ELMO1: variants seen among roughly 807,000 people sequenced by gnomAD.
The protein encoded by ELMO1 is engulfment and cell motility 1, also known as engulfment and cell motility protein 1.
In ELMO1, 26 loss-of-function variants were observed where a neutral mutation model predicts 98.9. That is an observed-to-expected ratio of 0.26 (90% CI 0.19 to 0.36). The LOEUF is 0.36. ELMO1 is among the 10% of genes least tolerant of loss of function. ELMO1 has a pLI of 1.00. For missense variants in ELMO1, 627 were observed against 935.2 expected (o/e 0.67, Z 4.30); for synonymous variants, 346 against 346.0 (o/e 1.00, Z 0.00).
At chr7:37,298,287 G>C (rs7459312) in intron 4 of ELMO1, among the ~76,000 whole-genome samples, 1 of 101,434 alleles carries the variant, frequency 9.9e-6, no homozygotes, top group Admixed American at 9.1e-5. Flanking sequence ...AGTTTTTTTT[G>C]TTTTTTTTTT....
intron 6 of ELMO1, among the ~76,000 whole-genome samples, chr7:37,247,750 G>A (rs924397227): frequency 1.3e-5 from 2 of 152,182 alleles, no homozygotes; most frequent in African/African-American, 4.8e-5. Context: ...TGGGTGCAAG[G>A]TGCCACCTGG....
chr7:37,029,843 A>G (rs1194282029), intron 15 of ELMO1, among the ~76,000 whole-genome samples: 1 of 152,178 alleles, frequency 6.6e-6, no homozygotes, highest in Non-Finnish European at 1.5e-5. Flanking sequence ...GTGAAGAATT[A>G]GAGTCTTAAA....
At chr7:37,320,235 C>T (rs187837959) in intron 2 of ELMO1, among the ~76,000 whole-genome samples, 6 of 151,740 alleles carry the variant, frequency 4.0e-5, no homozygotes, top group East Asian at 3.9e-4. Flanking sequence ...TGAGATCAAG[C>T]GCCACTGCAG....
At chr7:37,135,173 T>C (rs547550015) in intron 13 of ELMO1, among the ~76,000 whole-genome samples, 1 of 152,210 alleles carries the variant, frequency 6.6e-6, no homozygotes, top group Non-Finnish European at 1.5e-5. Flanking sequence ...ATTAGCAATC[T>C]ACTCTTCACC....
chr7:36,883,225 T>G (rs1247520636), intron 18 of ELMO1, among the ~76,000 whole-genome samples: 1 of 152,232 alleles, frequency 6.6e-6, no homozygotes. Context: ...AAACAGACAC[T>G]GTCCTCTGCA....
intron 13 of ELMO1, among the ~76,000 whole-genome samples, chr7:37,199,730 A>G (rs1792176426): frequency 6.6e-6 from 1 of 152,232 alleles, no homozygotes; most frequent in Admixed American, 6.5e-5. Flanking sequence ...AGCTTGTGTT[A>G]GGACTGTCCT....
chr7:37,199,714 A>G (rs1158183683), intron 13 of ELMO1, among the ~76,000 whole-genome samples: 1 of 152,214 alleles, frequency 6.6e-6, no homozygotes. Context: ...TGAGACAGTG[A>G]CAGAGAGCTT....
intron 13 of ELMO1, among the ~76,000 whole-genome samples, chr7:37,155,487 C>CAAAAAAAAAAAAAAA (rs781745325): frequency 1.8e-4 from 9 of 49,670 alleles, no homozygotes; most frequent in African/African-American, 2.7e-4. Context: ...AAACGGAAAG[C>CAAAAAAAAAAAAAAA]AAAAAAAAAA....
intron 8 of ELMO1, among the ~76,000 whole-genome samples, chr7:37,226,012 T>C (rs1793855007): frequency 1.3e-5 from 2 of 152,120 alleles, no homozygotes; most frequent in Admixed American, 1.3e-4. Context: ...AGAGACCACT[T>C]GCCTCATCTC....
intron 1 of ELMO1, among the ~76,000 whole-genome samples, chr7:37,443,363 C>G (rs947435543): frequency 1.3e-5 from 2 of 152,214 alleles, no homozygotes; most frequent in South Asian, 4.1e-4. Context: ...TGTTCAGATT[C>G]TGGAAATCAG....
intron 15 of ELMO1, among the ~76,000 whole-genome samples, chr7:37,085,695 C>T (rs1783729080): frequency 6.6e-6 from 1 of 152,100 alleles, no homozygotes; most frequent in African/African-American, 2.4e-5. Context: ...AAGAGACTGG[C>T]ATCTCTGGAA....
chr7:37,055,161 C>G (rs955963129), intron 15 of ELMO1, among the ~76,000 whole-genome samples: 14 of 152,220 alleles, frequency 9.2e-5, no homozygotes, highest in African/African-American at 2.4e-5. Flanking sequence ...CACATGGCTT[C>G]TGTGACCAGT....
intron 1 of ELMO1, among the ~76,000 whole-genome samples, chr7:37,403,734 G>A (rs567161061): frequency 3.3e-5 from 5 of 152,048 alleles, no homozygotes; most frequent in African/African-American, 1.2e-4. Flanking sequence ...TTGTAGAGAT[G>A]GGGGTCTCAC....
chr7:37,397,099 C>A lies in ELMO1; in HGVS notation c.-74+51576G>T, dbSNP rs73116797. 8.1e-3 allele frequency among the ~76,000 whole-genome samples: 1,227 copies of A among 152,226 alleles called. 8 individuals carry two copies. The highest frequency in any genetic ancestry group is 0.012 in the Non-Finnish European group (842 of 68,002). On this transcript the variant is annotated intron_variant, in intron 1 of 21. Transcript: ENST00000310758. ...TGGCTGGAATATAGACAGCCACAGT[C>A]GTAAACTGTAATGAACAGGTTAGAA...
chr7:37,329,586 G>A (rs1021273246), intron 2 of ELMO1, among the ~76,000 whole-genome samples: 1 of 152,124 alleles, frequency 6.6e-6, no homozygotes, highest in East Asian at 1.9e-4. Context: ...ATCAAAACCC[G>A]AAGGAAATAT....
intron 15 of ELMO1, among the ~76,000 whole-genome samples, chr7:37,021,740 G>A (rs570668795): frequency 1.3e-5 from 2 of 152,054 alleles, no homozygotes; most frequent in South Asian, 4.2e-4. Flanking sequence ...AAGATTAAAT[G>A]TAGAGTGATT....
intron 15 of ELMO1, among the ~76,000 whole-genome samples, chr7:37,024,810 T>C (rs984329517): frequency 6.6e-6 from 1 of 152,178 alleles, no homozygotes; most frequent in Non-Finnish European, 1.5e-5. Context: ...ATATGATTTT[T>C]TTTTCAAAAA....
At chr7:36,960,681 CTATCTATACTGTTAATACT>C (rs1788867986) in intron 16 of ELMO1, among the ~76,000 whole-genome samples, 1 of 151,708 alleles carries the variant, frequency 6.6e-6, no homozygotes, top group African/African-American at 2.4e-5. Flanking sequence ...ATCCACCCAT[CTATCTATACTGTTAATACT>C]TACATCTTAT....
intron 15 of ELMO1, among the ~76,000 whole-genome samples, chr7:37,082,195 T>C (rs1797897950): frequency 6.6e-6 from 1 of 152,162 alleles, no homozygotes; most frequent in African/African-American, 2.4e-5. Flanking sequence ...AAAGCTGCAC[T>C]GGCATTATAA....
Sources: allele counts gnomAD v4.1 joint callset (sites outside exome capture counted in the v4.1 genomes callset), GRCh38; gene constraint gnomAD v4.1.1; transcripts MANE v1.5; gene names NCBI Gene and HGNC (gene_info 2026-07-23, HGNC 2026-07-21).